The following RPRD1A variants were observed in gnomAD, a reference collection of about 807,000 sequenced individuals.
The protein encoded by RPRD1A is regulation of nuclear pre-mRNA domain-containing protein 1A.
A neutral mutation model predicts 37.8 loss-of-function variants in RPRD1A; 9 were observed. The observed-to-expected ratio is 0.24, with a 90% CI of 0.14 to 0.42. The LOEUF is 0.42. Ranked by LOEUF, RPRD1A falls within the 10% of genes least tolerant of loss-of-function variation. The probability of loss-of-function intolerance (pLI) is 1.00; values close to 1 mark genes in which losing one functional copy is unlikely to be tolerated. For missense variants in RPRD1A, 255 were observed against 371.0 expected (o/e 0.69, Z 2.57); for synonymous variants, 138 against 139.7 (o/e 0.99, Z 0.08).
chr18:36,042,673 C>G (rs1912664736), intron 1 of RPRD1A, among the ~76,000 whole-genome samples: 1 of 152,070 alleles, frequency 6.6e-6, no homozygotes, highest in Non-Finnish European at 1.5e-5. Context: ...GAAAAACAGT[C>G]AAGACATGTG....
intron 1 of RPRD1A, among the ~76,000 whole-genome samples, chr18:36,058,362 G>A (rs964002474): frequency 4.6e-5 from 7 of 152,014 alleles, no homozygotes; most frequent in Non-Finnish European, 7.4e-5. Flanking sequence ...ACCAACAGAA[G>A]AAACTTCTAC....
intron 6 of RPRD1A, among the ~76,000 whole-genome samples, chr18:36,015,414 T>C (rs537847975): frequency 4.7e-4 from 71 of 152,216 alleles, no homozygotes; most frequent in African/African-American, 1.6e-3. Flanking sequence ...GGTTTCACCA[T>C]GTTGGCCAGG....
At chr18:36,023,309 AC>A (rs1911136233) in intron 6 of RPRD1A, among the ~76,000 whole-genome samples, 1 of 152,190 alleles carries the variant, frequency 6.6e-6, no homozygotes, top group Non-Finnish European at 1.5e-5. Flanking sequence ...CTCATGGCTG[AC>A]TTTGTGGGGT....
At chr18:36,028,501 T>C (rs1207894228) in intron 4 of RPRD1A, among the ~76,000 whole-genome samples, 1 of 152,174 alleles carries the variant, frequency 6.6e-6, no homozygotes, top group Non-Finnish European at 1.5e-5. Flanking sequence ...AAAATTCTAA[T>C]TGTCTGGAGT....
intron 2 of RPRD1A, among the ~76,000 whole-genome samples, chr18:36,032,188 T>C (rs546983852): frequency 3.3e-5 from 5 of 152,356 alleles, no homozygotes; most frequent in African/African-American, 4.8e-5. Context: ...TCATCTGACA[T>C]TATGCATTCA....
At chr18:36,025,724 C>G (rs571405914) in intron 6 of RPRD1A, 387 of 1,054,558 alleles carry the variant, frequency 3.7e-4, no homozygotes, top group Non-Finnish European at 4.6e-4. Flanking sequence ...TACTAAAAGA[C>G]TAAAGACAAA....
At chr18:36,045,276 A>T (rs1912875122) in intron 1 of RPRD1A, among the ~76,000 whole-genome samples, 1 of 152,128 alleles carries the variant, frequency 6.6e-6, no homozygotes, top group Admixed American at 6.5e-5. Flanking sequence ...AGAGGTCGCA[A>T]AAAAAACTAA....
At chr18:36,038,183 G>A (rs1912330723) in intron 1 of RPRD1A, among the ~76,000 whole-genome samples, 1 of 152,214 alleles carries the variant, frequency 6.6e-6, no homozygotes. Context: ...ACGTCTCCAG[G>A]GCATGTCAGA....
intron 1 of RPRD1A, among the ~76,000 whole-genome samples, chr18:36,045,323 C>T (rs1912877182): frequency 6.6e-6 from 1 of 152,104 alleles, no homozygotes; most frequent in Non-Finnish European, 1.5e-5. Flanking sequence ...CCTGCTTTTC[C>T]TAATATGTAC....
rs1018666095 is a variant in RPRD1A, at chr18:36,053,578, G to A, written c.151+13676C>T. ...TATCCATTCATCTGCTGATGAACAT[G>A]CAGGTTGTTTCAATCGTTTGGTCAC... is the stretch of plus-strand genomic sequence containing the variant. On this transcript the variant is annotated intron_variant, in intron 1 of 6. Transcript: ENST00000399022. 5.3e-5 allele frequency among the ~76,000 whole-genome samples: 8 copies of A among 152,270 alleles called. No individual in the cohort carries two copies. In the South Asian group the frequency reaches 6.2e-4, roughly 12 times the overall value.
chr18:36,033,925 C>T, intron 1 of RPRD1A, 88 bp from the exon 2 acceptor site: 1 of 1,093,726 alleles, frequency 9.1e-7, no homozygotes, highest in Non-Finnish European at 1.3e-6. Flanking sequence ...ATTTTGAGAA[C>T]TAAAATAACC....
rs199545236 is a variant in RPRD1A at position 35,994,517 on chromosome 18, T to C, written c.790-1217A>G. On this transcript the variant is annotated intron_variant, in intron 6 of 6. Coordinates refer to ENST00000399022, the MANE Select transcript of RPRD1A (RefSeq NM_018170.5). ...GTTGTGGTTCTGCTGTGAGGAATAA[T>C]GAGGGTTCAGGCTTCATAAGCAGGT... is the stretch of plus-strand genomic sequence containing the variant. 2.0e-5 allele frequency among the ~76,000 whole-genome samples: 3 copies of C among 152,290 alleles called. No individual in the cohort carries two copies. In the East Asian group the frequency reaches 5.8e-4, roughly 29 times the overall value.
At chr18:36,051,559 G>A (rs1238148592) in intron 1 of RPRD1A, among the ~76,000 whole-genome samples, 1 of 152,050 alleles carries the variant, frequency 6.6e-6, no homozygotes, top group African/African-American at 2.4e-5. Flanking sequence ...AAAACCCTCA[G>A]ATTCTACACA....
At chr18:36,018,028 A>G (rs1255656175) in intron 6 of RPRD1A, among the ~76,000 whole-genome samples, 1 of 152,206 alleles carries the variant, frequency 6.6e-6, no homozygotes, top group Non-Finnish European at 1.5e-5. Context: ...CAAGACGATA[A>G]TTTACTCCTT....
At chr18:36,020,056 AGGAAAGGAAT>A (rs1380051065) in intron 6 of RPRD1A, among the ~76,000 whole-genome samples, 2 of 152,190 alleles carry the variant, frequency 1.3e-5, no homozygotes, top group African/African-American at 2.4e-5. Context: ...TGGAAGGGGA[AGGAAAGGAAT>A]GGAAAGGACG....
At chr18:35,997,645 T>C (rs1909157705) in intron 6 of RPRD1A, among the ~76,000 whole-genome samples, 2 of 152,224 alleles carry the variant, frequency 1.3e-5, no homozygotes, top group African/African-American at 4.8e-5. Flanking sequence ...AAAACCAACT[T>C]TGCACCTTTT....
rs200721325 is a variant in RPRD1A, at chr18:36,067,444, C to T, written c.-40G>A. The T allele has an allele frequency of 3.8e-6, 6 of 1,580,768 alleles. No homozygotes were observed. In the East Asian group the frequency reaches 9.3e-5, roughly 24 times the overall value. On this transcript the variant is annotated 5_prime_UTR_variant, in exon 1 of 7. Transcript: ENST00000399022. ...GTTCACGCCGTCCCACGCGGTGGGG[C>T]CGAGGGGAGGAGAGTTTCGCCGCCC...
At chr18:36,021,462 GTC>G (rs1285225882) in intron 6 of RPRD1A, among the ~76,000 whole-genome samples, 1 of 152,176 alleles carries the variant, frequency 6.6e-6, no homozygotes, top group Non-Finnish European at 1.5e-5. Flanking sequence ...GGCTGTCCCT[GTC>G]TCTCCCTCCC....
intron 6 of RPRD1A, among the ~76,000 whole-genome samples, chr18:36,016,690 T>TA (rs1289536066): frequency 2.6e-5 from 4 of 152,164 alleles, no homozygotes; most frequent in African/African-American, 9.7e-5. Flanking sequence ...GGAAGTAACA[T>TA]AAATGCCAAA....
Sources: gnomAD v4.1 joint callset for allele counts (sites outside exome capture counted in the v4.1 genomes callset) on GRCh38, gnomAD v4.1.1 for gene constraint, MANE v1.5 for transcripts, NCBI Gene and HGNC (gene_info 2026-07-23, HGNC 2026-07-21) for gene names.